The following HMCN2 variants were observed in gnomAD, a reference collection of about 807,000 sequenced individuals.
HMCN2 encodes hemicentin 2.
A neutral mutation model predicts 377.5 loss-of-function variants in HMCN2; 325 were observed. The ratio of observed to expected loss-of-function variants is 0.86; its 90% CI spans 0.79 to 0.94. HMCN2 has a LOEUF of 0.94. Ranked by LOEUF, HMCN2 falls within the 40% of genes least tolerant of loss-of-function variation. HMCN2 has a pLI of 0.00. For missense variants in HMCN2, 4,543 were observed against 4,725.3 expected (o/e 0.96, Z 1.13); for synonymous variants, 2,007 against 2,046.8 (o/e 0.98, Z 0.53).
At chr9:130,386,371 A>T (rs1434575580) in intron 60 of HMCN2, 72 bp from the exon 61 acceptor site, 2 of 985,038 alleles carry the variant, frequency 2.0e-6, no homozygotes, top group Admixed American at 5.0e-5. Flanking sequence ...GGGGGCCTAG[A>T]TGCTTTTGGG....
intron 1 of HMCN2, among the ~76,000 whole-genome samples, chr9:130,280,404 C>T (rs1365048265): frequency 6.6e-6 from 1 of 151,296 alleles, no homozygotes; most frequent in African/African-American, 2.4e-5. Flanking sequence ...GATCTCCTGA[C>T]CTTGTGATCC....
rs782485412 is a variant in HMCN2, at chr9:130,310,005, G to A, written c.2294G>A (p.Cys765Tyr). 1 of 533,924 alleles carries A rather than the reference G, an allele frequency of 1.9e-6. No individual in the cohort carries two copies. Among genetic ancestry groups the A allele is most frequent in the East Asian group, 5.5e-5 (1 of 18,314 alleles). The allele number at this position is 533,924 out of a possible 1,614,324, so 33.1% of individuals were successfully genotyped here. ...AQERDAGTYT[C>Y]RAVNELGDAS... ...GAGAGGGATGCTGGCACCTACACCT[G>A]CCGGGCTGTCAATGAGTTGGGTGAC... The change falls in exon 15 of 98, where the codon TGC (cysteine) becomes TAC (tyrosine). Residue 765 changes from cysteine (C) to tyrosine (Y), a missense_variant. Cys to Tyr is a radical substitution (Grantham distance 194, BLOSUM62 -2). This residue lies in a region of HMCN2 where 547 missense variants were observed against 189.9 expected (regional missense o/e 2.88). Coordinates refer to ENST00000683500, the MANE Select transcript of HMCN2 (RefSeq NM_001291815.2).
chr9:130,362,031 C>G lies in HMCN2; in HGVS notation c.5974C>G (p.Pro1992Ala). ...VNVPPRITLP[P>A]SLPGPVLVNT... ...AGTGCCCCCTCGAATCACACTGCCA[C>G]CCAGCCTGCCAGGCCCTGTGTTGGT... is the stretch of plus-strand genomic sequence containing the variant. Residue 1992 changes from proline (P) to alanine (A), a missense_variant, in exon 39 of 98, where the codon CCC (proline) becomes GCC (alanine). Physicochemically the swap from Pro to Ala is conservative, Grantham distance 27. This residue lies in a region of HMCN2 where 1,032 missense variants were observed against 1,285.1 expected (regional missense o/e 0.80). Coordinates refer to ENST00000683500, the MANE Select transcript of HMCN2 (RefSeq NM_001291815.2). 1.0e-6 allele frequency: 1 copy of G among 986,132 alleles called. No individual in the cohort carries two copies. The highest frequency in any genetic ancestry group is 1.2e-6 in the Non-Finnish European group (1 of 830,140). The allele number at this position is 986,132 out of a possible 1,614,324, so 61.1% of individuals were successfully genotyped here.
At chr9:130,384,013 T>G (rs1396753453) in intron 57 of HMCN2, among the ~76,000 whole-genome samples, 2 of 152,096 alleles carry the variant, frequency 1.3e-5, no homozygotes, top group Non-Finnish European at 2.9e-5. Context: ...ACTCCTAACC[T>G]CTGCAACTCA....
chr9:130,395,244 G>T lies in HMCN2; in HGVS notation c.10808G>T (p.Arg3603Leu). ...AACATTGTTGGGCCCCGAGGCCCCCGCTTTGTGGTCGGCCTGGCCCCAGGG... is the reference window on the plus strand; with the variant it reads ...AACATTGTTGGGCCCCGAGGCCCCCTCTTTGTGGTCGGCCTGGCCCCAGGG... The part of the protein sequence containing the change: ...PPNIVGPRGP[R>L]FVVGLAPGQL... Residue 3603 changes from arginine to leucine, a missense_variant, in exon 71 of 98, where the codon CGC becomes CTC. Around this residue, in one of 5 missense-constraint regions of HMCN2, gnomAD observed 1,073 missense variants for 1,319.5 expected, o/e 0.81. Transcript: ENST00000683500. 2.3e-6 allele frequency: 3 copies of T among 1,289,330 alleles called. No individual in the cohort carries two copies. Among genetic ancestry groups the T allele is most frequent in the South Asian group, 1.2e-5 (1 of 80,958 alleles). The allele number at this position is 1,289,330 out of a possible 1,614,324, so 79.9% of individuals were successfully genotyped here.
In HMCN2 at chr9:130,427,743, A is replaced by G. The variant is rs1844471030; in HGVS notation, c.14065+124A>G. 1.8e-5 allele frequency: 22 copies of G among 1,245,108 alleles called. No homozygotes were observed. In the South Asian group the frequency reaches 3.2e-4, roughly 18 times the overall value. 77.1% of individuals were successfully genotyped at this position (1,245,108 alleles called of 1,614,324 possible). ...GACCTGCAGGGATGGCCAATTCTTG[A>G]GGGTTTTGATGTCAGCCTGGGGGTC... On this transcript the variant is annotated intron_variant, in intron 92 of 97. Coordinates refer to ENST00000683500, the MANE Select transcript of HMCN2 (RefSeq NM_001291815.2).
rs1341350651 is a variant in HMCN2, at chr9:130,403,434, A to C, written c.12013+106A>C. 1.3e-5 allele frequency: 15 copies of C among 1,186,474 alleles called. No individual in the cohort carries two copies. In the Admixed American group the frequency reaches 3.9e-4, roughly 31 times the overall value. 73.5% of individuals were successfully genotyped at this position (1,186,474 alleles called of 1,614,324 possible). ...TGGGAGACCCCGCAGACCTGCTGAGAGGTCCTGGAAAGCCCCTGGCCTGCC... is the reference window on the plus strand; with the variant it reads ...TGGGAGACCCCGCAGACCTGCTGAGCGGTCCTGGAAAGCCCCTGGCCTGCC... On this transcript the variant is annotated intron_variant, in intron 79 of 97. Transcript: ENST00000683500.
intron 1 of HMCN2, among the ~76,000 whole-genome samples, chr9:130,283,824 C>T (rs1554926594): frequency 6.6e-6 from 1 of 152,218 alleles, no homozygotes; most frequent in Non-Finnish European, 1.5e-5. Context: ...AGATGATGGA[C>T]ATCTGGCTTG....
rs1024132744 is a variant in HMCN2 at position 130,303,905 on chromosome 9, T to C, written c.1543+297T>C. Among the ~76,000 whole-genome samples the C allele has an allele frequency of 3.9e-5, 6 of 152,250 alleles. No homozygotes were observed. The highest frequency in any genetic ancestry group is 3.9e-4 in the Admixed American group (6 of 15,302). Reference sequence around the variant, plus strand: ...CTCGGCTTTCAGGGGCCGCCATCCATCTCGTGGTCGGGACAACCTTCGTGC... The same window carrying C: ...CTCGGCTTTCAGGGGCCGCCATCCACCTCGTGGTCGGGACAACCTTCGTGC... On this transcript the variant is annotated intron_variant, in intron 10 of 97. Coordinates refer to ENST00000683500, the MANE Select transcript of HMCN2 (RefSeq NM_001291815.2). This position sits in a 1 kb window ranked among gnomAD's most constrained non-coding sequence, Gnocchi z 5.2.
chr9:130,284,347 G>T (rs549194975), intron 1 of HMCN2, among the ~76,000 whole-genome samples: 4 of 152,246 alleles, frequency 2.6e-5, no homozygotes, highest in South Asian at 2.1e-4. Flanking sequence ...GGAGGAGCTG[G>T]GGCTTGCCCT....
chr9:130,309,876 G>A (rs782419486), intron 14 of HMCN2, 36 bp from the exon 15 acceptor site: 2 of 439,332 alleles, frequency 4.6e-6, no homozygotes, highest in South Asian at 3.4e-5. Context: ...ATGGTACCAG[G>A]GACACCGGCC....
At position 130,357,059 on chromosome 9, in the gene HMCN2, A is replaced by AGGATGGATGGATGGAT. The variant is rs201419400; in HGVS notation, c.5426-751_5426-736dup. Among the ~76,000 whole-genome samples the AGGATGGATGGATGGAT allele has an allele frequency of 1.0e-3, 106 of 106,158 alleles. 1 individual carries two copies. Among genetic ancestry groups the AGGATGGATGGATGGAT allele is most frequent in the South Asian group, 1.9e-3 (7 of 3,688 alleles). 69.6% of individuals were successfully genotyped at this position (106,158 alleles called of 152,430 possible). On this transcript the variant is annotated intron_variant, in intron 34 of 97. Transcript: ENST00000683500. ...ATGAATGGGTGGACAGATAGAAGGGAGGATGGATGGATGGATGGATGGATG... is the reference window on the plus strand; with the variant it reads ...ATGAATGGGTGGACAGATAGAAGGGAGGATGGATGGATGGATGGATGGATGGATGGATGGATGGATG...
Position 130,349,710 on chromosome 9 carries a change from C to T in HMCN2, c.4430+47C>T, listed in dbSNP as rs1366594757. The T allele has an allele frequency of 6.2e-6, 8 of 1,284,458 alleles. No homozygotes were observed. In the African/African-American group the frequency reaches 1.1e-4, roughly 17 times the overall value. 79.6% of individuals were successfully genotyped at this position (1,284,458 alleles called of 1,614,324 possible). ...GATGGCGTGTGGTGGTGCCCAGACT[C>T]AGCCTGCTGGATGTGGGGGTTGGGG... On this transcript the variant is annotated intron_variant, in intron 29 of 97. Coordinates refer to ENST00000683500, the MANE Select transcript of HMCN2 (RefSeq NM_001291815.2).
In HMCN2 at chr9:130,425,016, G is replaced by A; in HGVS notation, c.13527G>A (p.Leu4509=). 1.3e-6 allele frequency: 2 copies of A among 1,546,342 alleles called. No homozygotes were observed. The highest frequency in any genetic ancestry group is 1.7e-6 in the Non-Finnish European group (2 of 1,144,610). Reference sequence around the variant, plus strand: ...GGTGGGGATGGTTTGCAGGGGAGCTGCTCACGATGACCCAGGTGGCCCGGG... The same window carrying A: ...GGTGGGGATGGTTTGCAGGGGAGCTACTCACGATGACCCAGGTGGCCCGGG... ...ESHVEFATGE[L]LTMTQVARGL... is the part of the protein sequence containing the mutation. The change falls in exon 89 of 98, where the codon CTG becomes CTA. Residue 4509 remains leucine, a synonymous_variant. Transcript: ENST00000683500.
At position 130,376,504 on chromosome 9, in the gene HMCN2, C is replaced by T. The variant is rs552218098; in HGVS notation, c.7919-12C>T. 5.0e-5 allele frequency: 49 copies of T among 985,562 alleles called. No homozygotes were observed. The Middle Eastern group carries it at 2.1e-3, about 42-fold the overall frequency. The allele number at this position is 985,562 out of a possible 1,614,324, so 61.1% of individuals were successfully genotyped here. A position where few individuals can be genotyped will look rare whatever the true frequency, so the allele number is the denominator to read the frequency against. ...CCCCCAGCTCTGCTCTCAGACCCCT[C>T]GTGCTTTTCAGTCCCCCCTTCCATC... On this transcript the variant is annotated splice_polypyrimidine_tract_variant and intron_variant, in intron 51 of 97. Transcript: ENST00000683500.
intron 90 of HMCN2, among the ~76,000 whole-genome samples, chr9:130,426,317 T>C (rs1844363567): frequency 6.6e-6 from 1 of 152,200 alleles, no homozygotes; most frequent in African/African-American, 2.4e-5. Flanking sequence ...CCCAGGAACA[T>C]GCTTTCTGTT....
At chr9:130,282,658 T>G (rs1835187180) in intron 1 of HMCN2, among the ~76,000 whole-genome samples, 1 of 152,226 alleles carries the variant, frequency 6.6e-6, no homozygotes, top group Non-Finnish European at 1.5e-5. Context: ...GCATGCTGGA[T>G]AATTCTACAG....
intron 4 of HMCN2, among the ~76,000 whole-genome samples, chr9:130,286,732 G>A (rs1222095107): frequency 6.6e-6 from 1 of 152,232 alleles, no homozygotes; most frequent in Admixed American, 6.5e-5. Flanking sequence ...GGTGGGTGGA[G>A]GAACACAGGA....
Position 130,393,434 on chromosome 9 carries a change from A to C in HMCN2, c.10234+125A>C, listed in dbSNP as rs1444818945. 12 of 525,582 alleles carry C rather than the reference A, an allele frequency of 2.3e-5. No individual in the cohort carries two copies. Among genetic ancestry groups the C allele is most frequent in the Non-Finnish European group, 3.0e-5 (12 of 400,918 alleles). The allele number at this position is 525,582 out of a possible 1,614,324, so 32.6% of individuals were successfully genotyped here. A position where few individuals can be genotyped will look rare whatever the true frequency, so the allele number is the denominator to read the frequency against. On this transcript the variant is annotated intron_variant, in intron 67 of 97. Coordinates refer to ENST00000683500, the MANE Select transcript of HMCN2 (RefSeq NM_001291815.2). This position sits in a 1 kb window ranked among gnomAD's most constrained non-coding sequence, Gnocchi z 5.2. ...CCTGGGGGCGTCGAGGAGAGCGGAC[A>C]CTGCGGCTCAGTCTCTGACTCACTG...
Sources: allele counts gnomAD v4.1 joint callset (sites outside exome capture counted in the v4.1 genomes callset), GRCh38; gene constraint gnomAD v4.1.1; regional missense constraint gnomAD v4.1.1; non-coding constraint Gnocchi (gnomAD v3.1); transcripts MANE v1.5; gene names NCBI Gene and HGNC (gene_info 2026-07-23, HGNC 2026-07-21).